Variants in SUGCT observed in about 807,000 individuals in gnomAD.
SUGCT encodes succinyl-CoA:glutarate CoA-transferase.
Under a neutral mutation model 55.0 loss-of-function variants are expected in SUGCT, and 41 were observed. The observed-to-expected ratio is 0.74, with a 90% CI of 0.58 to 0.97. SUGCT has a LOEUF of 0.97. SUGCT is among the 50% of genes least tolerant of loss of function. The probability of loss-of-function intolerance (pLI) is 0.00; values close to 1 mark genes in which losing one functional copy is unlikely to be tolerated. For missense variants in SUGCT, 568 were observed against 547.8 expected (o/e 1.04, Z -0.37); for synonymous variants, 187 against 200.4 (o/e 0.93, Z 0.56).
intron 9 of SUGCT, among the ~76,000 whole-genome samples, chr7:40,448,743 G>T (rs1157386414): frequency 6.6e-6 from 1 of 152,110 alleles, no homozygotes; most frequent in Non-Finnish European, 1.5e-5. Context: ...TACACAGGAG[G>T]CTGGGGCAGG....
chr7:40,313,224 TA>T (rs1196610866), intron 8 of SUGCT, among the ~76,000 whole-genome samples: 3 of 152,200 alleles, frequency 2.0e-5, no homozygotes, highest in African/African-American at 7.2e-5. Flanking sequence ...ACATTCTGAG[TA>T]AATTATATAG....
In SUGCT at chr7:40,524,724, G is replaced by A. The variant is rs139941705; in HGVS notation, c.1089+28338G>A. On this transcript the variant is annotated intron_variant, in intron 12 of 13. Coordinates refer to ENST00000335693, the MANE Select transcript of SUGCT (RefSeq NM_001193313.2). ...GGATTAGTTCTATTTGTAGGATATT[G>A]TCACATTATTGGCTTCCGTAGTTTT... Among the ~76,000 whole-genome samples, 72 of 152,256 alleles carry A rather than the reference G, an allele frequency of 4.7e-4. No individual in the cohort carries two copies. The East Asian group carries it at 0.011, about 23-fold the overall frequency.
In SUGCT at chr7:40,439,096, A is replaced by G. The variant is rs565438473; in HGVS notation, c.817-10191A>G. The stretch of plus-strand genomic sequence containing the variant: ...TATATATATATATATATATATATAT[A>G]TATATATATATATATGGATAGAGAG... On this transcript the variant is annotated intron_variant, in intron 9 of 13. Coordinates refer to ENST00000335693, the MANE Select transcript of SUGCT (RefSeq NM_001193313.2). 8.9e-3 allele frequency among the ~76,000 whole-genome samples: 1,171 copies of G among 132,166 alleles called. 72 individuals are homozygous for G. The highest frequency in any genetic ancestry group is 0.027 in the African/African-American group (960 of 35,006). The allele number at this position is 132,166 out of a possible 152,430, so 86.7% of individuals were successfully genotyped here.
intron 6 of SUGCT, among the ~76,000 whole-genome samples, chr7:40,219,395 G>T (rs972563072): frequency 6.6e-6 from 1 of 152,212 alleles, no homozygotes; most frequent in Non-Finnish European, 1.5e-5. Flanking sequence ...AGCAAGAGGT[G>T]CTCTTCAAAA....
chr7:40,705,588 A>G (rs1341519064), intron 12 of SUGCT, among the ~76,000 whole-genome samples: 2 of 152,194 alleles, frequency 1.3e-5, no homozygotes, highest in Non-Finnish European at 2.9e-5. Context: ...CAAATCCTAT[A>G]TCTTTCAGAC....
At position 40,371,101 on chromosome 7, in the gene SUGCT, T is replaced by G. The variant is rs1784275095; in HGVS notation, c.816+54246T>G. 2.0e-5 allele frequency among the ~76,000 whole-genome samples: 3 copies of G among 152,104 alleles called. No individual in the cohort carries two copies. In the South Asian group the frequency reaches 6.2e-4, roughly 31 times the overall value. ...TAAATGTTTTTACTCATATGAACAT[T>G]AAGAAAAAAATGCCAGAAGGGAAGA... On this transcript the variant is annotated intron_variant, in intron 9 of 13. Coordinates refer to ENST00000335693, the MANE Select transcript of SUGCT (RefSeq NM_001193313.2).
chr7:40,434,679 T>A (rs150601196), intron 9 of SUGCT, among the ~76,000 whole-genome samples: 68 of 152,308 alleles, frequency 4.5e-4, no homozygotes, highest in Admixed American at 1.4e-3. Flanking sequence ...GCATTTTAGA[T>A]GCCTTGAGTT....
intron 12 of SUGCT, among the ~76,000 whole-genome samples, chr7:40,725,677 T>C (rs1350251788): frequency 6.6e-6 from 1 of 152,080 alleles, no homozygotes; most frequent in Non-Finnish European, 1.5e-5. Flanking sequence ...TGGTAATCTC[T>C]TGAAACCCTA....
At chr7:40,898,674 A>T in the SUGCT span, among the ~76,000 whole-genome samples, 1 of 151,928 alleles carries the variant, frequency 6.6e-6, no homozygotes, top group African/African-American at 2.4e-5. Context: ...CAGTGAGCAG[A>T]GATCGCGCCG....
chr7:40,489,188 T>G (rs554598378), intron 11 of SUGCT, among the ~76,000 whole-genome samples: 1 of 152,156 alleles, frequency 6.6e-6, no homozygotes, highest in East Asian at 1.9e-4. Flanking sequence ...TAATCTGACT[T>G]TGAATTCACA....
At chr7:40,245,906 C>T (rs916131965) in intron 7 of SUGCT, among the ~76,000 whole-genome samples, 3 of 151,658 alleles carry the variant, frequency 2.0e-5, no homozygotes, top group African/African-American at 7.3e-5. Context: ...TGCAGTGGTG[C>T]GATTATGGCT....
intron 7 of SUGCT, among the ~76,000 whole-genome samples, chr7:40,272,417 A>G (rs1209924737): frequency 6.7e-6 from 1 of 148,870 alleles, no homozygotes; most frequent in Non-Finnish European, 1.5e-5. Context: ...GCCTCAAGTG[A>G]TCCTCCTGCT....
chr7:40,809,115 C>A (rs1466714568), intron 13 of SUGCT, among the ~76,000 whole-genome samples: 1 of 152,248 alleles, frequency 6.6e-6, no homozygotes, highest in Middle Eastern at 3.4e-3. Context: ...TGATTTTCAA[C>A]CCTAGTTCTG....
At chr7:40,429,730 C>T (rs1044260356) in intron 9 of SUGCT, among the ~76,000 whole-genome samples, 1 of 152,194 alleles carries the variant, frequency 6.6e-6, no homozygotes, top group Non-Finnish European at 1.5e-5. Flanking sequence ...TCCTAGCCCA[C>T]TGACTCAAAT....
the SUGCT span, among the ~76,000 whole-genome samples, chr7:40,892,466 A>T: frequency 6.6e-6 from 1 of 152,340 alleles, no homozygotes; most frequent in East Asian, 1.9e-4. Flanking sequence ...CTATAATACT[A>T]TCAGAAAACA....
intron 9 of SUGCT, among the ~76,000 whole-genome samples, chr7:40,340,935 T>C (rs1797011172): frequency 6.6e-6 from 1 of 152,184 alleles, no homozygotes; most frequent in South Asian, 2.1e-4. Context: ...GTGAGGTATG[T>C]AGTATTAGAT....
intron 9 of SUGCT, among the ~76,000 whole-genome samples, chr7:40,414,589 G>A (rs900397854): frequency 8.5e-5 from 13 of 152,050 alleles, no homozygotes; most frequent in Admixed American, 1.3e-4. Flanking sequence ...CTATAATAAT[G>A]GGTATTGTCA....
At chr7:40,587,270 A>G (rs1215656218) in intron 12 of SUGCT, among the ~76,000 whole-genome samples, 1 of 152,244 alleles carries the variant, frequency 6.6e-6, no homozygotes, top group Non-Finnish European at 1.5e-5. Context: ...GTGAACAAAA[A>G]GGGGTGAATT....
the SUGCT span, among the ~76,000 whole-genome samples, chr7:41,015,217 T>A: frequency 6.6e-6 from 1 of 152,046 alleles, no homozygotes; most frequent in Non-Finnish European, 1.5e-5. Context: ...ATAGATGGAG[T>A]AATTCACAGT....
Sources: allele counts gnomAD v4.1 joint callset (sites outside exome capture counted in the v4.1 genomes callset), GRCh38; gene constraint gnomAD v4.1.1; transcripts MANE v1.5; gene names NCBI Gene and HGNC (gene_info 2026-07-23, HGNC 2026-07-21).